The following PARD3 variants were observed in gnomAD, a reference collection of about 807,000 sequenced individuals.
PARD3 encodes the protein par-3 family cell polarity regulator, also known as partitioning defective 3 homolog.
In PARD3, 75 loss-of-function variants were observed where a neutral mutation model predicts 155.4. The ratio of observed to expected loss-of-function variants is 0.48; its 90% CI spans 0.40 to 0.58. The LOEUF is 0.58. Among genes scored for constraint, PARD3 ranks in the 20% least tolerant of loss-of-function variants. The pLI is 0.00. For synonymous variants in PARD3, 576 were observed against 610.5 expected (o/e 0.94, Z 0.83); for missense variants, 1,642 against 1,721.7 (o/e 0.95, Z 0.82).
At chr10:34,447,001 T>C (rs2076773345) in intron 5 of PARD3, among the ~76,000 whole-genome samples, 1 of 146,388 alleles carries the variant, frequency 6.8e-6, no homozygotes, top group African/African-American at 2.4e-5. Context: ...AACTAAACCC[T>C]CTCTGAGTAC....
chr10:34,541,335 G>A (rs2083599291), intron 2 of PARD3, among the ~76,000 whole-genome samples: 2 of 152,296 alleles, frequency 1.3e-5, no homozygotes, highest in Admixed American at 1.3e-4. Flanking sequence ...TTCCTTTAGA[G>A]AAATGAAAAT....
intron 2 of PARD3, among the ~76,000 whole-genome samples, chr10:34,585,841 A>G (rs1288421733): frequency 1.3e-5 from 2 of 152,318 alleles, no homozygotes; most frequent in East Asian, 1.9e-4. Flanking sequence ...CTCTAGAAGA[A>G]CACACACAAC....
chr10:34,384,304 C>A, intron 7 of PARD3, 50 bp from the exon 8 acceptor site: 1 of 1,558,884 alleles, frequency 6.4e-7, no homozygotes, highest in Non-Finnish European at 8.8e-7. Context: ...CTCCACCATG[C>A]ACACTGCCTT....
intron 22 of PARD3, among the ~76,000 whole-genome samples, chr10:34,267,364 G>A (rs764031170): frequency 1.3e-5 from 2 of 152,176 alleles, no homozygotes; most frequent in African/African-American, 2.4e-5. Flanking sequence ...TAATAAGCAA[G>A]TGAACCTTCT....
intron 2 of PARD3, among the ~76,000 whole-genome samples, chr10:34,571,749 C>G (rs1361077568): frequency 2.6e-5 from 4 of 152,208 alleles, no homozygotes; most frequent in Admixed American, 2.6e-4. Context: ...GTTGAACCAA[C>G]AAGTCAAGTT....
intron 24 of PARD3, among the ~76,000 whole-genome samples, chr10:34,113,044 G>C (rs1442038723): frequency 6.6e-6 from 1 of 152,160 alleles, no homozygotes; most frequent in African/African-American, 2.4e-5. Context: ...GAAAATGCCG[G>C]CATGAAACCA....
intron 2 of PARD3, among the ~76,000 whole-genome samples, chr10:34,684,824 CACACACATATAT>C (rs1263945524): frequency 2.3e-4 from 24 of 102,590 alleles, no homozygotes; most frequent in African/African-American, 9.0e-4. Context: ...CACACACACA[CACACACATATAT>C]ACACACACAC....
intron 2 of PARD3, among the ~76,000 whole-genome samples, chr10:34,617,582 C>T (rs2091344037): frequency 6.6e-6 from 1 of 152,144 alleles, no homozygotes; most frequent in South Asian, 2.1e-4. Flanking sequence ...CACCGTATGC[C>T]ATAAATATGT....
rs34452022 is a variant in PARD3, at chr10:34,149,638, C to A, written c.3420-18055G>T. Among the ~76,000 whole-genome samples the A allele has an allele frequency of 7.8e-3, 1,184 of 152,164 alleles. 5 individuals carry two copies. Among genetic ancestry groups the A allele is most frequent in the Admixed American group, 0.013 (200 of 15,286 alleles). The stretch of plus-strand genomic sequence containing the variant: ...GAAGGTGTTGCTACAGATGATCTCA[C>A]GTTTATCAAAGAATTGAGCATAAGA... On this transcript the variant is annotated intron_variant, in intron 22 of 24. Coordinates refer to ENST00000374788, the MANE Select transcript of PARD3 (RefSeq NM_001184785.2).
chr10:34,309,548 C>CAAAAAAAAAAAAAAAAAAAAAAAAAA (rs1173904388), intron 20 of PARD3, among the ~76,000 whole-genome samples: 3 of 64,032 alleles, frequency 4.7e-5, no homozygotes, highest in Non-Finnish European at 2.8e-5. Context: ...ACCCTGTCTC[C>CAAAAAAAAAAAAAAAAAAAAAAAAAA]AAAAAAAAAA....
intron 22 of PARD3, among the ~76,000 whole-genome samples, chr10:34,162,404 C>T (rs376725672): frequency 3.3e-5 from 5 of 152,252 alleles, no homozygotes; most frequent in South Asian, 2.1e-4. Flanking sequence ...ACTCACTCTT[C>T]GATGTCCGCA....
intron 2 of PARD3, among the ~76,000 whole-genome samples, chr10:34,527,231 C>T (rs1038154708): frequency 2.6e-5 from 4 of 152,178 alleles, no homozygotes; most frequent in African/African-American, 4.8e-5. Context: ...CAGGGGTCAG[C>T]ACATCACCAG....
chr10:34,519,551 C>T (rs1393352209), intron 2 of PARD3, among the ~76,000 whole-genome samples: 9 of 152,254 alleles, frequency 5.9e-5, no homozygotes, highest in South Asian at 2.1e-4. Flanking sequence ...CGGTGGCTCA[C>T]GCCTGTAATC....
chr10:34,682,172 T>C (rs1178133823), intron 2 of PARD3, among the ~76,000 whole-genome samples: 1 of 152,160 alleles, frequency 6.6e-6, no homozygotes. Flanking sequence ...TGGACGGTCA[T>C]CATTCGACTG....
At chr10:34,708,967 GTATT>G (rs1474155084) in intron 1 of PARD3, among the ~76,000 whole-genome samples, 1 of 152,090 alleles carries the variant, frequency 6.6e-6, no homozygotes, top group Non-Finnish European at 1.5e-5. Context: ...GTGTTCTGAA[GTATT>G]TAAAGTGCCA....
chr10:34,557,247 C>T (rs543317122), intron 2 of PARD3, among the ~76,000 whole-genome samples: 16 of 152,274 alleles, frequency 1.1e-4, no homozygotes, highest in Middle Eastern at 3.4e-3. Context: ...AACCAAGCGA[C>T]TTGACAAGAG....
At chr10:34,313,311 C>T (rs578025993) in intron 20 of PARD3, among the ~76,000 whole-genome samples, 1 of 152,252 alleles carries the variant, frequency 6.6e-6, no homozygotes, top group East Asian at 1.9e-4. Flanking sequence ...TTCTTAGATA[C>T]AAAGCCATTT....
intron 16 of PARD3, among the ~76,000 whole-genome samples, chr10:34,340,735 T>C (rs1480757500): frequency 1.3e-5 from 2 of 152,032 alleles, no homozygotes; most frequent in Non-Finnish European, 2.9e-5. Context: ...TTAACGCAAA[T>C]AAATGCCAGT....
At chr10:34,727,281 T>A (rs2094731408) in intron 1 of PARD3, among the ~76,000 whole-genome samples, 1 of 152,214 alleles carries the variant, frequency 6.6e-6, no homozygotes, top group Non-Finnish European at 1.5e-5. Context: ...ACTGGCGGCA[T>A]ACAAGCTTGC....
Sources: allele counts gnomAD v4.1 joint callset (sites outside exome capture counted in the v4.1 genomes callset), GRCh38; gene constraint gnomAD v4.1.1; transcripts MANE v1.5; gene names NCBI Gene and HGNC (gene_info 2026-07-23, HGNC 2026-07-21).